Variants in CTPS2 observed in about 807,000 individuals in gnomAD.
CTPS2 encodes the protein CTP synthase 2, also known as CTP synthase II.
In CTPS2, 19 loss-of-function variants were observed where a neutral mutation model predicts 46.8. The observed-to-expected ratio is 0.41, with a 90% CI of 0.28 to 0.60. The LOEUF is 0.60. Among genes scored for constraint, CTPS2 ranks in the 20% least tolerant of loss-of-function variants. CTPS2 has a pLI of 0.35. For missense variants in CTPS2, 286 were observed against 447.6 expected, an observed-to-expected ratio of 0.64 and a Z score of 3.26; for synonymous variants, 151 against 165.2, an observed-to-expected ratio of 0.91 and a Z score of 0.66.
intron 13 of CTPS2, among the ~76,000 whole-genome samples, chrX:16,647,449 G>T (rs1024529448): frequency 1.9e-5 from 2 of 107,491 alleles, no homozygotes; most frequent in African/African-American, 6.8e-5. Flanking sequence ...TGTATTTTTA[G>T]TAGAGATGAG....
chrX:16,686,955 G>T (rs1923255002), intron 8 of CTPS2, among the ~76,000 whole-genome samples: 1 of 110,703 alleles, frequency 9.0e-6, no homozygotes, highest in African/African-American at 3.3e-5. Flanking sequence ...AGATTGGAGT[G>T]ATGTGGCCAC....
At chrX:16,681,052 G>A (rs769799616) in intron 9 of CTPS2, among the ~76,000 whole-genome samples, 9 of 111,485 alleles carry the variant, frequency 8.1e-5, no homozygotes, top group African/African-American at 2.3e-4. Context: ...TGGGCGTGGT[G>A]GCACATGCCT....
chrX:16,603,453 A>C (rs1929790360), intron 17 of CTPS2, among the ~76,000 whole-genome samples: 1 of 109,277 alleles, frequency 9.2e-6, no homozygotes, highest in African/African-American at 3.3e-5. Flanking sequence ...ATAAATAAAT[A>C]AATAAAACCA....
chrX:16,664,730 C>T (rs1259169985), intron 13 of CTPS2, among the ~76,000 whole-genome samples: 6 of 111,559 alleles, frequency 5.4e-5, no homozygotes, highest in Non-Finnish European at 9.4e-5. Context: ...TCAACCAGGG[C>T]GATTCTGCCC....
At chrX:16,646,391 G>C (rs1239132391) in intron 13 of CTPS2, among the ~76,000 whole-genome samples, 1 of 112,449 alleles carries the variant, frequency 8.9e-6, no homozygotes, top group Admixed American at 9.4e-5. Flanking sequence ...GAGGCCGTGG[G>C]AGTTGGGTGC....
chrX:16,649,179 T>C (rs1199812693), intron 13 of CTPS2, among the ~76,000 whole-genome samples: 1 of 112,355 alleles, frequency 8.9e-6, no homozygotes, highest in Non-Finnish European at 1.9e-5. Context: ...TCGAGTGTTC[T>C]CACAAGTTTT....
chrX:16,592,627 C>G (rs2147153680), intron 17 of CTPS2, among the ~76,000 whole-genome samples: 1 of 111,292 alleles, frequency 9.0e-6, no homozygotes, highest in South Asian at 3.8e-4. Flanking sequence ...TGCATATTGG[C>G]TCAAGACCCA....
At chrX:16,652,269 T>C (rs918305687) in intron 13 of CTPS2, among the ~76,000 whole-genome samples, 9 of 112,259 alleles carry the variant, frequency 8.0e-5, no homozygotes, top group Admixed American at 4.7e-4. Context: ...TTGTTTTGTA[T>C]GACTCAGTCA....
At chrX:16,640,376 C>A (rs908503482) in intron 13 of CTPS2, among the ~76,000 whole-genome samples, 11 of 111,160 alleles carry the variant, frequency 9.9e-5, no homozygotes, top group Non-Finnish European at 2.1e-4. Flanking sequence ...CACTATCCAA[C>A]ATCAGCCACT....
At chrX:16,593,608 T>C (rs749456756) in intron 17 of CTPS2, among the ~76,000 whole-genome samples, 15 of 104,083 alleles carry the variant, frequency 1.4e-4, no homozygotes, top group South Asian at 4.3e-4. Context: ...CAAATCTGCA[T>C]AGGCAAAAAG....
chrX:16,703,628 G>A lies in CTPS2; in HGVS notation c.-39-687C>T, dbSNP rs758815642. On this transcript the variant is annotated intron_variant, in intron 1 of 18. Coordinates refer to ENST00000359276, the MANE Select transcript of CTPS2 (RefSeq NM_175859.3). Reference sequence around the variant, plus strand: ...TTACAAAAGTGAGCCACCATGCTTCGTCTCACCAAAATTTCAAAAGCACAC... The same window carrying A: ...TTACAAAAGTGAGCCACCATGCTTCATCTCACCAAAATTTCAAAAGCACAC... Among the ~76,000 whole-genome samples the A allele has an allele frequency of 7.1e-5, 8 of 112,063 alleles. No individual in the cohort carries two copies. The East Asian group carries it at 2.0e-3, about 27-fold the overall frequency.
intron 13 of CTPS2, among the ~76,000 whole-genome samples, chrX:16,654,057 C>T (rs1186792082): frequency 8.9e-6 from 1 of 111,885 alleles, no homozygotes. Context: ...GTTTGTGTGC[C>T]GTGGGCAATC....
chrX:16,593,807 A>G (rs1387830783), intron 17 of CTPS2, among the ~76,000 whole-genome samples: 1 of 110,597 alleles, frequency 9.0e-6, no homozygotes, highest in African/African-American at 3.3e-5. Context: ...AATCAAGTAG[A>G]AAGATACCTC....
chrX:16,604,058 T>G (rs1378261991), intron 17 of CTPS2, among the ~76,000 whole-genome samples: 1 of 111,578 alleles, frequency 9.0e-6, no homozygotes, highest in Non-Finnish European at 1.9e-5. Flanking sequence ...TTTCGGCTTT[T>G]GGGTTTGGTC....
intron 14 of CTPS2, among the ~76,000 whole-genome samples, chrX:16,625,789 T>C (rs1931103542): frequency 9.1e-6 from 1 of 110,183 alleles, no homozygotes; most frequent in Non-Finnish European, 1.9e-5. Context: ...GCCAATCTCC[T>C]CTCCAATGGT....
intron 13 of CTPS2, among the ~76,000 whole-genome samples, chrX:16,652,890 T>C (rs973835770): frequency 1.8e-5 from 2 of 111,789 alleles, no homozygotes; most frequent in Non-Finnish European, 3.8e-5. Context: ...GTGTTTCATA[T>C]TCATAAATCA....
chrX:16,707,279 T>C (rs1925101336), intron 1 of CTPS2, among the ~76,000 whole-genome samples: 1 of 111,608 alleles, frequency 9.0e-6, no homozygotes, highest in Non-Finnish European at 1.9e-5. Context: ...AATTTCACCA[T>C]GTATGTGAAA....
intron 1 of CTPS2, among the ~76,000 whole-genome samples, chrX:16,710,658 C>A (rs974682451): frequency 1.6e-4 from 18 of 111,872 alleles, no homozygotes; most frequent in South Asian, 3.7e-4. Flanking sequence ...CGCGCTCTGT[C>A]ACCAGGCTGG....
chrX:16,708,464 C>T (rs1925184550), intron 1 of CTPS2, among the ~76,000 whole-genome samples: 1 of 111,298 alleles, frequency 9.0e-6, no homozygotes, highest in African/African-American at 3.3e-5. Flanking sequence ...AATCCAAACC[C>T]AGAGCCAAGA....
Sources: gnomAD v4.1 joint callset for allele counts (sites outside exome capture counted in the v4.1 genomes callset) on GRCh38, gnomAD v4.1.1 for gene constraint, MANE v1.5 for transcripts, NCBI Gene and HGNC (gene_info 2026-07-23, HGNC 2026-07-21) for gene names.